The following MALRD1 variants were observed in gnomAD, a reference collection of about 807,000 sequenced individuals.
MALRD1 encodes the protein MAM and LDL receptor class A domain containing 1.
A neutral mutation model predicts 242.1 loss-of-function variants in MALRD1; 247 were observed. The ratio of observed to expected loss-of-function variants is 1.02; its 90% CI spans 0.92 to 1.13. MALRD1 has a LOEUF of 1.13. MALRD1 is among the 50% of genes most tolerant of loss of function. MALRD1 has a pLI of 0.00. For synonymous variants in MALRD1, 995 were observed against 866.6 expected, an observed-to-expected ratio of 1.15 and a Z score of -2.60; for missense variants, 2,989 against 2,533.1, an observed-to-expected ratio of 1.18 and a Z score of -3.86.
chr10:19,198,406 C>T (rs1009842442), intron 14 of MALRD1, among the ~76,000 whole-genome samples: 1 of 152,152 alleles, frequency 6.6e-6, no homozygotes, highest in Non-Finnish European at 1.5e-5. Context: ...CTAAAGAGGC[C>T]TAAACTTATG....
intron 36 of MALRD1, among the ~76,000 whole-genome samples, chr10:19,657,638 T>C (rs80228732): frequency 0.014 from 2,168 of 152,248 alleles, 44 homozygotes; most frequent in African/African-American, 0.05. Context: ...TGAATAATAA[T>C]CACATCATGG....
intron 24 of MALRD1, among the ~76,000 whole-genome samples, chr10:19,336,925 T>C (rs540116530): frequency 2.0e-4 from 31 of 152,244 alleles, no homozygotes; most frequent in African/African-American, 7.2e-4. Flanking sequence ...TGGGCAGTTG[T>C]TATATGGCAA....
chr10:19,208,362 G>A (rs761488489), intron 17 of MALRD1, among the ~76,000 whole-genome samples: 5 of 152,122 alleles, frequency 3.3e-5, no homozygotes, highest in Non-Finnish European at 5.9e-5. Context: ...TGGGGAAGAT[G>A]GTGCAGGCTA....
intron 36 of MALRD1, among the ~76,000 whole-genome samples, chr10:19,645,679 G>A (rs1240081572): frequency 6.6e-6 from 1 of 151,998 alleles, no homozygotes; most frequent in Non-Finnish European, 1.5e-5. Context: ...ATTGAACAAT[G>A]AGAACACATG....
At chr10:19,679,017 T>C (rs1842254929) in intron 36 of MALRD1, among the ~76,000 whole-genome samples, 1 of 152,204 alleles carries the variant, frequency 6.6e-6, no homozygotes, top group African/African-American at 2.4e-5. Flanking sequence ...ACCTTGATCA[T>C]GGTAGATAAG....
intron 26 of MALRD1, among the ~76,000 whole-genome samples, chr10:19,386,822 A>G (rs928248123): frequency 2.6e-5 from 4 of 152,078 alleles, no homozygotes; most frequent in African/African-American, 9.7e-5. Flanking sequence ...AAAATGTATC[A>G]AATGTTGGTA....
intron 28 of MALRD1, among the ~76,000 whole-genome samples, chr10:19,447,736 A>G (rs1277870519): frequency 1.3e-5 from 1 of 76,214 alleles, no homozygotes; most frequent in Non-Finnish European, 3.2e-5. Context: ...GGAGTCAGAT[A>G]GACCACCCTT....
At chr10:19,099,763 A>ATATATATT (rs1554788439) in intron 4 of MALRD1, among the ~76,000 whole-genome samples, 1 of 149,238 alleles carries the variant, frequency 6.7e-6, no homozygotes, top group East Asian at 2.0e-4. Context: ...ATATATATAT[A>ATATATATT]TTTTTTTTAA....
chr10:19,214,723 A>C (rs530877360), intron 18 of MALRD1, among the ~76,000 whole-genome samples: 18 of 152,334 alleles, frequency 1.2e-4, no homozygotes, highest in African/African-American at 4.3e-4. Flanking sequence ...TAACTTAAGA[A>C]AAATGGGTGC....
chr10:19,343,320 C>G (rs181907198), intron 24 of MALRD1, among the ~76,000 whole-genome samples: 21 of 152,078 alleles, frequency 1.4e-4, no homozygotes, highest in Non-Finnish European at 2.9e-4. Flanking sequence ...TGCATTTTTC[C>G]CTCAGTGGTT....
chr10:19,388,880 T>A (rs4748576), intron 27 of MALRD1, among the ~76,000 whole-genome samples: 119,395 of 137,132 alleles, frequency 0.87, 51,911 homozygotes, highest in African/African-American at 0.92. Context: ...ATAGGTCTAC[T>A]GAAAAAAAAA....
intron 38 of MALRD1, among the ~76,000 whole-genome samples, chr10:19,720,741 A>G (rs1309147849): frequency 6.6e-6 from 1 of 152,224 alleles, no homozygotes; most frequent in Non-Finnish European, 1.5e-5. Flanking sequence ...TGTCTTTATT[A>G]CAAAAAGGAC....
intron 4 of MALRD1, among the ~76,000 whole-genome samples, chr10:19,097,905 T>G (rs938914337): frequency 1.1e-4 from 17 of 152,198 alleles, no homozygotes; most frequent in African/African-American, 3.4e-4. Flanking sequence ...CCCATGATCT[T>G]TTTTTATCCT....
At chr10:19,725,623 G>T (rs1834986699) in intron 38 of MALRD1, among the ~76,000 whole-genome samples, 1 of 152,110 alleles carries the variant, frequency 6.6e-6, no homozygotes, top group African/African-American at 2.4e-5. Context: ...TTTATAAATT[G>T]CAAGGGTACC....
chr10:19,144,229 G>A (rs7097878), intron 10 of MALRD1, among the ~76,000 whole-genome samples: 39,704 of 152,082 alleles, frequency 0.26, 5,384 homozygotes, highest in Admixed American at 0.33. Context: ...GGATGCTCAA[G>A]TCCCTGGAGA....
intron 36 of MALRD1, among the ~76,000 whole-genome samples, chr10:19,685,075 A>G (rs1457815697): frequency 6.6e-6 from 1 of 152,236 alleles, no homozygotes; most frequent in African/African-American, 2.4e-5. Flanking sequence ...GATACAGTAT[A>G]CATATATAAA....
intron 20 of MALRD1, among the ~76,000 whole-genome samples, chr10:19,281,797 C>T (rs193067926): frequency 6.6e-6 from 1 of 151,940 alleles, no homozygotes; most frequent in African/African-American, 2.4e-5. Flanking sequence ...CATGGCAAAA[C>T]CCCATCTCTA....
intron 34 of MALRD1, among the ~76,000 whole-genome samples, chr10:19,601,519 C>T (rs1838340773): frequency 6.6e-6 from 1 of 151,904 alleles, no homozygotes; most frequent in Admixed American, 6.6e-5. Context: ...TAAAATGCAA[C>T]AGAAACTAAT....
intron 5 of MALRD1, among the ~76,000 whole-genome samples, 154 bp downstream of exon 5, chr10:19,104,229 T>G (rs936211967): frequency 2.0e-5 from 3 of 152,224 alleles, no homozygotes; most frequent in Non-Finnish European, 2.9e-5. Flanking sequence ...AGTGACTGGA[T>G]CTATACTGGG....
Sources: gnomAD v4.1 joint callset for allele counts (sites outside exome capture counted in the v4.1 genomes callset) on GRCh38, gnomAD v4.1.1 for gene constraint, MANE v1.5 for transcripts, NCBI Gene and HGNC (gene_info 2026-07-23, HGNC 2026-07-21) for gene names.